The following IKZF3 variants were observed in gnomAD, a reference collection of about 807,000 sequenced individuals.
The protein encoded by IKZF3 is zinc finger protein Aiolos.
IKZF3 carries 10 observed loss-of-function variants against 49.0 expected under a neutral mutation model. That is an observed-to-expected ratio of 0.20 (90% confidence interval 0.13 to 0.35). The LOEUF is 0.35. Among genes scored for constraint, IKZF3 ranks in the 10% least tolerant of loss-of-function variants. The pLI, the probability that IKZF3 is intolerant of heterozygous loss-of-function variation, is 1.00. For missense variants in IKZF3, 498 were observed against 664.8 expected (o/e 0.75, Z 2.76); for synonymous variants, 209 against 228.2 (o/e 0.92, Z 0.76).
chr17:39,807,174 G>T (rs987173529), intron 3 of IKZF3, among the ~76,000 whole-genome samples: 8 of 152,100 alleles, frequency 5.3e-5, no homozygotes, highest in African/African-American at 1.2e-4. Context: ...GGGGTCATTT[G>T]TCACACAGCA....
intron 7 of IKZF3, among the ~76,000 whole-genome samples, chr17:39,777,392 C>T (rs1338450194): frequency 1.3e-5 from 2 of 152,166 alleles, no homozygotes; most frequent in Non-Finnish European, 2.9e-5. Context: ...GAGGAAGGAA[C>T]AGGATTTTAA....
chr17:39,860,669 T>C (rs944433533), intron 1 of IKZF3, among the ~76,000 whole-genome samples: 1 of 152,126 alleles, frequency 6.6e-6, no homozygotes, highest in Non-Finnish European at 1.5e-5. Flanking sequence ...TGGGTACACA[T>C]GGACTGTTAT....
intron 3 of IKZF3, among the ~76,000 whole-genome samples, chr17:39,808,688 G>T (rs1004970676): frequency 6.6e-6 from 1 of 152,132 alleles, no homozygotes; most frequent in South Asian, 2.1e-4. Flanking sequence ...GAGTTCTCTC[G>T]TAAGACAAAA....
intron 6 of IKZF3, among the ~76,000 whole-genome samples, chr17:39,786,498 C>T (rs898211667): frequency 2.0e-5 from 3 of 152,188 alleles, no homozygotes; most frequent in South Asian, 2.1e-4. Context: ...CGTCCTTGAG[C>T]GAGTACTGCC....
chr17:39,764,464 C>CA lies in IKZF3; in HGVS notation c.*1325dup, dbSNP rs71149801. The CA allele has an allele frequency of 0.11, 6,375 of 60,472 alleles. 548 individuals carry two copies. Among genetic ancestry groups the CA allele is most frequent in the African/African-American group, 0.27 (5,022 of 18,292 alleles). The allele number at this position is 60,472 out of a possible 1,614,324, so 3.7% of individuals were successfully genotyped here. A position where few individuals can be genotyped will look rare whatever the true frequency, so the allele number is the denominator to read the frequency against. ...TGGGCAACAGAGTGAGATCCTGTCT[C>CA]AAAAAAAAAAAAAAAAAAAAAGTTA... On this transcript the variant is annotated 3_prime_UTR_variant, in exon 8 of 8. Coordinates refer to ENST00000346872, the MANE Select transcript of IKZF3 (RefSeq NM_012481.5).
intron 3 of IKZF3, among the ~76,000 whole-genome samples, chr17:39,811,554 C>G (rs2061561736): frequency 6.6e-6 from 1 of 152,156 alleles, no homozygotes; most frequent in African/African-American, 2.4e-5. Flanking sequence ...ACTGAAGTTG[C>G]GGACCTGGAA....
intron 7 of IKZF3, among the ~76,000 whole-genome samples, chr17:39,771,386 G>A (rs951003759): frequency 1.6e-4 from 24 of 152,228 alleles, no homozygotes; most frequent in Non-Finnish European, 3.1e-4. Context: ...TAGCACCATG[G>A]TTAGGTGATT....
chr17:39,850,789 A>G (rs1475563554), intron 1 of IKZF3, among the ~76,000 whole-genome samples: 1 of 125,678 alleles, frequency 8.0e-6, no homozygotes, highest in Non-Finnish European at 1.6e-5. Flanking sequence ...ATATATACAT[A>G]TCTAATATGC....
chr17:39,768,648 C>A (rs1242496497), intron 7 of IKZF3, among the ~76,000 whole-genome samples: 1 of 152,128 alleles, frequency 6.6e-6, no homozygotes, highest in Non-Finnish European at 1.5e-5. Context: ...ATTGTATGTA[C>A]CTCACAGGGT....
chr17:39,806,594 T>C (rs970994450), intron 3 of IKZF3, among the ~76,000 whole-genome samples: 1 of 152,166 alleles, frequency 6.6e-6, no homozygotes, highest in Admixed American at 6.5e-5. Context: ...TAAAGAGCGC[T>C]GGCAAGGATG....
intron 3 of IKZF3, among the ~76,000 whole-genome samples, chr17:39,806,451 G>C (rs1451009039): frequency 6.6e-6 from 1 of 152,148 alleles, no homozygotes; most frequent in Non-Finnish European, 1.5e-5. Flanking sequence ...CATTTCACCA[G>C]GAAATTATAT....
intron 3 of IKZF3, among the ~76,000 whole-genome samples, chr17:39,795,954 A>T (rs1252580184): frequency 6.6e-6 from 1 of 151,904 alleles, no homozygotes. Context: ...AGGCAGGATA[A>T]TCGCTTCAAC....
At position 39,859,092 on chromosome 17, in the gene IKZF3, A is replaced by T. The variant is rs1436505281; in HGVS notation, c.7+5028T>A. Among the ~76,000 whole-genome samples the T allele has an allele frequency of 3.3e-5, 5 of 152,114 alleles. No individual in the cohort carries two copies. The East Asian group carries it at 7.7e-4, about 24-fold the overall frequency. On this transcript the variant is annotated intron_variant, in intron 1 of 7. Coordinates refer to ENST00000346872, the MANE Select transcript of IKZF3 (RefSeq NM_012481.5). ...CCAAAGTGCTGGGATTACAGGTGTG[A>T]GCCACTGTGCCCAGCCCTTAAATTT...
intron 3 of IKZF3, among the ~76,000 whole-genome samples, chr17:39,797,320 A>G (rs1397996328): frequency 2.6e-5 from 4 of 152,164 alleles, no homozygotes; most frequent in African/African-American, 9.6e-5. Flanking sequence ...TCCTAGATTC[A>G]GAGCCTTTTT....
intron 6 of IKZF3, chr17:39,778,010 C>T: frequency 2.6e-6 from 3 of 1,170,572 alleles, no homozygotes; most frequent in Non-Finnish European, 2.1e-6. Context: ...CCAACCAGTA[C>T]CTTCATTAGC....
intron 3 of IKZF3, among the ~76,000 whole-genome samples, chr17:39,810,442 T>C (rs2061524048): frequency 6.6e-6 from 1 of 152,164 alleles, no homozygotes; most frequent in African/African-American, 2.4e-5. Flanking sequence ...ATATTTGTGA[T>C]TTAATTTACT....
At position 39,793,459 on chromosome 17, in the gene IKZF3, C is replaced by A. The variant is rs576549451; in HGVS notation, c.164-526G>T. On this transcript the variant is annotated intron_variant, in intron 3 of 7. Transcript: ENST00000346872. ...CCATGCATTGCCTCTTCCCCTTCCA[C>A]GTATATGAATTGCTAAAACACATCT... Among the ~76,000 whole-genome samples the A allele has an allele frequency of 9.2e-5, 14 of 152,296 alleles. 1 individual carries two copies. The South Asian group carries it at 2.9e-3, about 32-fold the overall frequency.
At chr17:39,823,901 A>T (rs1358728339) in intron 3 of IKZF3, among the ~76,000 whole-genome samples, 2 of 152,246 alleles carry the variant, frequency 1.3e-5, no homozygotes, top group Non-Finnish European at 2.9e-5. Flanking sequence ...AGGGCAGTGC[A>T]GAAGGGATAT....
intron 3 of IKZF3, among the ~76,000 whole-genome samples, chr17:39,826,042 G>A (rs553651781): frequency 3.7e-4 from 56 of 152,166 alleles, no homozygotes; most frequent in African/African-American, 1.3e-3. Context: ...ATTTGTGGAC[G>A]GTAGTTTTTT....
Sources: gnomAD v4.1 joint callset for allele counts (sites outside exome capture counted in the v4.1 genomes callset) on GRCh38, gnomAD v4.1.1 for gene constraint, MANE v1.5 for transcripts, NCBI Gene and HGNC (gene_info 2026-07-23, HGNC 2026-07-21) for gene names.